Variants in STXBP5L observed in about 807,000 individuals in gnomAD.
STXBP5L encodes syntaxin binding protein 5L.
STXBP5L carries 65 observed loss-of-function variants against 144.5 expected under a neutral mutation model. The ratio of observed to expected loss-of-function variants is 0.45; its 90% confidence interval spans 0.37 to 0.55. STXBP5L has a LOEUF of 0.55. STXBP5L is among the 20% of genes least tolerant of loss of function. The probability of loss-of-function intolerance (pLI) is 0.00; values close to 1 mark genes in which losing one functional copy is unlikely to be tolerated. For missense variants in STXBP5L, 1,298 were observed against 1,405.5 expected (o/e 0.92, Z 1.22); for synonymous variants, 505 against 469.6 (o/e 1.08, Z -0.97).
chr3:120,968,452 A>G (rs1447490531), intron 3 of STXBP5L, among the ~76,000 whole-genome samples: 1 of 152,088 alleles, frequency 6.6e-6, no homozygotes, highest in Non-Finnish European at 1.5e-5. Context: ...TTTGCATGTA[A>G]TATCTTATTC....
chr3:121,046,587 G>A (rs1947531958), intron 5 of STXBP5L, among the ~76,000 whole-genome samples: 1 of 151,996 alleles, frequency 6.6e-6, no homozygotes, highest in Admixed American at 6.6e-5. Context: ...CTCAATCTTG[G>A]GAGTTTGTAT....
intron 20 of STXBP5L, among the ~76,000 whole-genome samples, chr3:121,330,181 C>G (rs1210841270): frequency 6.6e-6 from 1 of 152,066 alleles, no homozygotes; most frequent in East Asian, 1.9e-4. Flanking sequence ...AGGGCATAAG[C>G]CTTCTGAGTG....
At chr3:121,382,282 A>G (rs2046340071) in intron 22 of STXBP5L, among the ~76,000 whole-genome samples, 1 of 152,084 alleles carries the variant, frequency 6.6e-6, no homozygotes, top group Non-Finnish European at 1.5e-5. Flanking sequence ...TATTATATAG[A>G]AGGTTACACT....
intron 5 of STXBP5L, among the ~76,000 whole-genome samples, chr3:121,067,097 T>C (rs1252033387): frequency 6.6e-6 from 1 of 152,084 alleles, no homozygotes; most frequent in Non-Finnish European, 1.5e-5. Flanking sequence ...ATTTATCATT[T>C]TTTCAGTATT....
At chr3:121,089,435 C>T (rs1187187464) in intron 5 of STXBP5L, among the ~76,000 whole-genome samples, 1 of 151,636 alleles carries the variant, frequency 6.6e-6, no homozygotes, top group African/African-American at 2.4e-5. Flanking sequence ...CTACTTCCTC[C>T]TGGTCTCTGT....
At chr3:121,338,566 C>T (rs554344341) in intron 20 of STXBP5L, among the ~76,000 whole-genome samples, 44 of 123,890 alleles carry the variant, frequency 3.6e-4, no homozygotes, top group African/African-American at 1.4e-3. Flanking sequence ...TCATCTGAAC[C>T]TGGGAGGCAG....
intron 19 of STXBP5L, among the ~76,000 whole-genome samples, chr3:121,311,926 T>A (rs1008694604): frequency 6.6e-6 from 1 of 152,330 alleles, no homozygotes; most frequent in South Asian, 2.1e-4. Flanking sequence ...GGCATCAAGC[T>A]ACCGGACTTC....
intron 9 of STXBP5L, among the ~76,000 whole-genome samples, chr3:121,175,412 C>T (rs1326515945): frequency 6.6e-6 from 1 of 152,168 alleles, no homozygotes; most frequent in African/African-American, 2.4e-5. Flanking sequence ...ATCTCCATAT[C>T]TCTTGTCCTG....
At chr3:120,921,023 G>T (rs1004875538) in intron 2 of STXBP5L, among the ~76,000 whole-genome samples, 3 of 151,464 alleles carry the variant, frequency 2.0e-5, no homozygotes, top group East Asian at 1.9e-4. Context: ...ATTGCTGGTT[G>T]TTCTATTTTT....
intron 12 of STXBP5L, among the ~76,000 whole-genome samples, chr3:121,237,777 AG>A (rs1197287542): frequency 6.6e-6 from 1 of 152,150 alleles, no homozygotes; most frequent in Non-Finnish European, 1.5e-5. Context: ...CAGATACTCT[AG>A]GTCATCGCTC....
intron 20 of STXBP5L, among the ~76,000 whole-genome samples, chr3:121,353,243 T>C (rs2045370994): frequency 6.6e-6 from 1 of 152,202 alleles, no homozygotes. Context: ...ATTGGAATAG[T>C]TTCAGAGGGA....
intron 22 of STXBP5L, among the ~76,000 whole-genome samples, chr3:121,395,920 G>C (rs1276697476): frequency 6.6e-6 from 1 of 152,210 alleles, no homozygotes; most frequent in Non-Finnish European, 1.5e-5. Context: ...GGGTCCTCGG[G>C]ATCCTCCCAG....
chr3:121,130,145 G>A (rs2044909314), intron 7 of STXBP5L, among the ~76,000 whole-genome samples: 1 of 152,098 alleles, frequency 6.6e-6, no homozygotes, highest in African/African-American at 2.4e-5. Flanking sequence ...GCAAGCTACT[G>A]TACTACTTGG....
At chr3:121,175,403 T>C (rs1287588059) in intron 9 of STXBP5L, among the ~76,000 whole-genome samples, 1 of 152,124 alleles carries the variant, frequency 6.6e-6, no homozygotes, top group Non-Finnish European at 1.5e-5. Flanking sequence ...AAAATATTTA[T>C]CTCCATATCT....
rs2045538563 is a variant in STXBP5L, at chr3:121,356,980, CAGCA to C, written c.2177-21733_2177-21730del. On this transcript the variant is annotated intron_variant, in intron 20 of 26. Transcript: ENST00000471454. ...AATCCCAGCTTTCTACCTTTGAAAA[CAGCA>C]AGAATTTTGTCTCTGCAACAGTTTT... The C allele has an allele frequency of 4.7e-5, 8 of 169,178 alleles. No homozygotes were observed. In the South Asian group the frequency reaches 1.2e-3, roughly 26 times the overall value. 10.5% of individuals were successfully genotyped at this position (169,178 alleles called of 1,614,324 possible). A position where few individuals can be genotyped will look rare whatever the true frequency, so the allele number is the denominator to read the frequency against.
intron 18 of STXBP5L, among the ~76,000 whole-genome samples, chr3:121,273,473 C>G (rs966861355): frequency 1.3e-5 from 2 of 151,898 alleles, no homozygotes; most frequent in African/African-American, 4.8e-5. Context: ...TATAATGTGT[C>G]TGTGTGAAGC....
At chr3:121,186,068 G>T (rs139834085) in intron 9 of STXBP5L, among the ~76,000 whole-genome samples, 1 of 152,010 alleles carries the variant, frequency 6.6e-6, no homozygotes, top group South Asian at 2.1e-4. Flanking sequence ...AATTGTGAAT[G>T]GGAGTTCACT....
chr3:121,173,121 G>A (rs1257331263), intron 9 of STXBP5L, among the ~76,000 whole-genome samples: 12 of 151,792 alleles, frequency 7.9e-5, no homozygotes, highest in Admixed American at 6.6e-4. Flanking sequence ...ATTGGGAGTC[G>A]AACTGTGAGA....
intron 5 of STXBP5L, among the ~76,000 whole-genome samples, chr3:121,079,375 C>T (rs2042159448): frequency 6.6e-6 from 1 of 152,204 alleles, no homozygotes; most frequent in South Asian, 2.1e-4. Context: ...TGCAGGAACT[C>T]ACTGGGCCTG....
Sources: allele counts gnomAD v4.1 joint callset (sites outside exome capture counted in the v4.1 genomes callset), GRCh38; gene constraint gnomAD v4.1.1; transcripts MANE v1.5; gene names NCBI Gene and HGNC (gene_info 2026-07-23, HGNC 2026-07-21).